The following PRNP variants were observed in gnomAD, a reference collection of about 807,000 sequenced individuals.
The protein encoded by PRNP is major prion protein.
Under a neutral mutation model 21.3 loss-of-function variants are expected in PRNP, and 15 were observed. The ratio of observed to expected loss-of-function variants is 0.71; its 90% CI spans 0.47 to 1.09. The LOEUF is 1.09. Ranked by LOEUF, PRNP falls within the 50% of genes least tolerant of loss-of-function variation. PRNP has a pLI of 0.00. For synonymous variants in PRNP, 121 were observed against 123.1 expected, an observed-to-expected ratio of 0.98 and a Z score of 0.11; for missense variants, 285 against 340.9, an observed-to-expected ratio of 0.84 and a Z score of 1.29.
rs770271370 is a variant in PRNP, at chr20:4,699,359, A to G, written c.139A>G (p.Asn47Asp). The G allele has an allele frequency of 6.2e-7, 1 of 1,613,608 alleles. No homozygotes were observed. The highest frequency in any genetic ancestry group is 8.5e-7 in the Non-Finnish European group (1 of 1,179,858). The change falls in exon 2 of 2, where the codon AAC becomes GAC. Residue 47 changes from asparagine (N) to aspartate (D), a missense_variant. Coordinates refer to ENST00000379440, the MANE Select transcript of PRNP (RefSeq NM_000311.5). The surrounding 1 kb of genome is among the most constrained non-coding windows in gnomAD (Gnocchi z 5.8). ...CCCGGGGCAGGGCAGCCCTGGAGGC[A>G]ACCGCTACCCACCTCAGGGCGGTGG... Reference protein sequence around the residue: ...RYPGQGSPGGNRYPPQGGGGW... With the variant: ...RYPGQGSPGGDRYPPQGGGGW...
At chr20:4,691,820 A>G (rs1253030661) in intron 1 of PRNP, among the ~76,000 whole-genome samples, 1 of 152,174 alleles carries the variant, frequency 6.6e-6, no homozygotes, top group African/African-American at 2.4e-5. Flanking sequence ...TAGAAAAAAA[A>G]CTTGATACGA....
At chr20:4,688,377 A>G (rs147185362) in intron 1 of PRNP, among the ~76,000 whole-genome samples, 2 of 152,250 alleles carry the variant, frequency 1.3e-5, no homozygotes, top group Admixed American at 1.3e-4. Flanking sequence ...CCTTTTGTCC[A>G]TTCATAGAAT....
In PRNP at chr20:4,699,473, C is replaced by T. The variant is rs144328292; in HGVS notation, c.253C>T (p.His85Tyr). 1.3e-6 allele frequency: 2 copies of T among 1,595,544 alleles called. No individual in the cohort carries two copies. Among genetic ancestry groups the T allele is most frequent in the Admixed American group, 1.7e-5 (1 of 58,852 alleles). The change falls in exon 2 of 2, where the codon CAT becomes TAT. Residue 85 changes from histidine (H) to tyrosine (Y), a missense_variant. Physicochemically the swap from His to Tyr is moderately conservative, Grantham distance 83. Coordinates refer to ENST00000379440, the MANE Select transcript of PRNP (RefSeq NM_000311.5). This position sits in a 1 kb window ranked among gnomAD's most constrained non-coding sequence, Gnocchi z 5.8. ...CCATGGTGGTGGCTGGGGACAGCCT[C>T]ATGGTGGTGGCTGGGGTCAAGGAGG... is the stretch of plus-strand genomic sequence containing the variant. ...QPHGGGWGQP[H>Y]GGGWGQGGGT...
chr20:4,700,218 A>G lies in PRNP; in HGVS notation c.*236A>G. The G allele has an allele frequency of 7.4e-7, 1 of 1,353,500 alleles. No homozygotes were observed. The highest frequency in any genetic ancestry group is 1.3e-5 in the South Asian group (1 of 79,466). 83.8% of individuals were successfully genotyped at this position (1,353,500 alleles called of 1,614,324 possible). ...GAGCCGTTGCTAATGCCAGGCCAGTAAAAGTATAACAGCAAATAACCATTG... is the reference window on the plus strand; with the variant it reads ...GAGCCGTTGCTAATGCCAGGCCAGTGAAAGTATAACAGCAAATAACCATTG... On this transcript the variant is annotated 3_prime_UTR_variant, in exon 2 of 2. Coordinates refer to ENST00000379440, the MANE Select transcript of PRNP (RefSeq NM_000311.5). The surrounding 1 kb of genome is among the most constrained non-coding windows in gnomAD (Gnocchi z 4.1).
chr20:4,699,335 C>G lies in PRNP; in HGVS notation c.115C>G (p.Pro39Ala). The G allele has an allele frequency of 6.2e-7, 1 of 1,613,762 alleles. No individual in the cohort carries two copies. Among genetic ancestry groups the G allele is most frequent in the South Asian group, 1.1e-5 (1 of 91,042 alleles). The change falls in exon 2 of 2, where the codon CCG becomes GCG. Residue 39 changes from proline to alanine, a missense_variant. Transcript: ENST00000379440. The surrounding 1 kb of genome is among the most constrained non-coding windows in gnomAD (Gnocchi z 5.8). ...GGWNTGGSRY[P>A]GQGSPGGNRY... is the part of the protein sequence containing the mutation. ...ATGGAACACTGGGGGCAGCCGATAC[C>G]CGGGGCAGGGCAGCCCTGGAGGCAA...
chr20:4,687,117 G>A (rs2122191370), intron 1 of PRNP, among the ~76,000 whole-genome samples: 1 of 152,292 alleles, frequency 6.6e-6, no homozygotes, highest in Non-Finnish European at 1.5e-5. Context: ...CGCCGCAGCT[G>A]CAGCGTTCCT....
chr20:4,693,345 A>G (rs551469469), intron 1 of PRNP, among the ~76,000 whole-genome samples: 18 of 152,238 alleles, frequency 1.2e-4, no homozygotes, highest in African/African-American at 4.3e-4. Context: ...TTAAGAAAAA[A>G]TGTTTTGTAG....
chr20:4,692,852 G>T (rs1253730617), intron 1 of PRNP, among the ~76,000 whole-genome samples: 1 of 152,082 alleles, frequency 6.6e-6, no homozygotes, highest in East Asian at 1.9e-4. Context: ...GCCATGGCAG[G>T]GTGGCTAAGT....
At position 4,686,534 on chromosome 20, in the gene PRNP, A is replaced by C. The variant is rs900369888; in HGVS notation, c.-11+22A>C. ...GCAGGTAAACGCCCGGGGTGGGAGG[A>C]ACGCGGGCGGGGGCAGGGGAGCCGC... On this transcript the variant is annotated intron_variant, in intron 1 of 1. Coordinates refer to ENST00000379440, the MANE Select transcript of PRNP (RefSeq NM_000311.5). The surrounding 1 kb of genome is among the most constrained non-coding windows in gnomAD (Gnocchi z 6.7). 1 of 151,618 alleles carries C rather than the reference A, an allele frequency of 6.6e-6. No individual in the cohort carries two copies. Among genetic ancestry groups the C allele is most frequent in the Non-Finnish European group, 1.5e-5 (1 of 67,854 alleles). 9.4% of individuals were successfully genotyped at this position (151,618 alleles called of 1,614,324 possible). A position where few individuals can be genotyped will look rare whatever the true frequency, so the allele number is the denominator to read the frequency against.
At position 4,700,795 on chromosome 20, in the gene PRNP, G is replaced by A. The variant is rs1043773814; in HGVS notation, c.*813G>A. 22 of 167,626 alleles carry A rather than the reference G, an allele frequency of 1.3e-4. No homozygotes were observed. The highest frequency in any genetic ancestry group is 5.3e-4 in the African/African-American group (22 of 41,554). 10.4% of individuals were successfully genotyped at this position (167,626 alleles called of 1,614,324 possible). On this transcript the variant is annotated 3_prime_UTR_variant, in exon 2 of 2. Transcript: ENST00000379440. The surrounding 1 kb of genome is among the most constrained non-coding windows in gnomAD (Gnocchi z 4.1). ...TGGCATTCCTTTCTTTAAACTATAG[G>A]TAATTAAGGCAGCTGAAAAGTAAAT...
At chr20:4,695,138 AT>A (rs887634351) in intron 1 of PRNP, among the ~76,000 whole-genome samples, 18 of 148,498 alleles carry the variant, frequency 1.2e-4, no homozygotes, top group Non-Finnish European at 1.8e-4. Context: ...TTACATTTTA[AT>A]TTTTTTTTTT....
rs1302483301 is a variant in PRNP at position 4,700,360 on chromosome 20, G to C, written c.*378G>C. On this transcript the variant is annotated 3_prime_UTR_variant, in exon 2 of 2. Coordinates refer to ENST00000379440, the MANE Select transcript of PRNP (RefSeq NM_000311.5). The surrounding 1 kb of genome is among the most constrained non-coding windows in gnomAD (Gnocchi z 4.1). Reference sequence around the variant, plus strand: ...TGGCTCCTTCAGCAGCTAGAGCTCAGTATACTAATGCCCTATCTTAGTAGA... The same window carrying C: ...TGGCTCCTTCAGCAGCTAGAGCTCACTATACTAATGCCCTATCTTAGTAGA... 4 of 401,234 alleles carry C rather than the reference G, an allele frequency of 1.0e-5. No individual in the cohort carries two copies. Among genetic ancestry groups the C allele is most frequent in the Non-Finnish European group, 1.5e-5 (3 of 201,530 alleles). The allele number at this position is 401,234 out of a possible 1,614,324, so 24.9% of individuals were successfully genotyped here.
Position 4,700,664 on chromosome 20 carries a change from A to G in PRNP, c.*682A>G, listed in dbSNP as rs7274758. On this transcript the variant is annotated 3_prime_UTR_variant, in exon 2 of 2. Coordinates refer to ENST00000379440, the MANE Select transcript of PRNP (RefSeq NM_000311.5). This position sits in a 1 kb window ranked among gnomAD's most constrained non-coding sequence, Gnocchi z 4.1. ...GCTAGAGGACATATTCACAGTGAAC[A>G]TAACTGTAACATATATGAAAGGCTT... 6,980 of 178,038 alleles carry G rather than the reference A, an allele frequency of 0.039. 221 individuals are homozygous for G. The highest frequency in any genetic ancestry group is 0.089 in the African/African-American group (3,720 of 41,634). 11.0% of individuals were successfully genotyped at this position (178,038 alleles called of 1,614,324 possible).
rs1244528020 is a variant in PRNP at position 4,686,936 on chromosome 20, T to TG, written c.-11+429dup. On this transcript the variant is annotated intron_variant, in intron 1 of 1. Transcript: ENST00000379440. This position sits in a 1 kb window ranked among gnomAD's most constrained non-coding sequence, Gnocchi z 6.7. ...AGGGCGCGGGGCGGGGAGGGGCGCC[T>TG]GGGGGCCGCGGGGCTCGCGCTCCCC... is the stretch of plus-strand genomic sequence containing the variant. Among the ~76,000 whole-genome samples the TG allele has an allele frequency of 6.7e-6, 1 of 149,454 alleles. No individual in the cohort carries two copies. The highest frequency in any genetic ancestry group is 1.5e-5 in the Non-Finnish European group (1 of 67,144).
chr20:4,688,486 TA>T (rs1291851206), intron 1 of PRNP, among the ~76,000 whole-genome samples: 1 of 152,172 alleles, frequency 6.6e-6, no homozygotes, highest in African/African-American at 2.4e-5. Context: ...GGTGATGCAT[TA>T]AGAAGCTGGA....
At chr20:4,691,218 T>A (rs1921807614) in intron 1 of PRNP, among the ~76,000 whole-genome samples, 1 of 152,162 alleles carries the variant, frequency 6.6e-6, no homozygotes, top group Non-Finnish European at 1.5e-5. Context: ...TGTTAAAATG[T>A]CCATACTACC....
intron 1 of PRNP, among the ~76,000 whole-genome samples, chr20:4,687,606 G>T (rs991254156): frequency 6.6e-6 from 1 of 151,764 alleles, no homozygotes; most frequent in African/African-American, 2.4e-5. Context: ...TTTTAACCTC[G>T]CAATTCCACC....
intron 1 of PRNP, among the ~76,000 whole-genome samples, chr20:4,687,641 G>T (rs1168010636): frequency 6.6e-6 from 1 of 151,888 alleles, no homozygotes. Flanking sequence ...CCTCGCCATC[G>T]CAGAGCCACA....
Position 4,699,565 on chromosome 20 carries a change from T to A in PRNP, c.345T>A (p.Ala115=), listed in dbSNP as rs759194313. 4 of 1,613,840 alleles carry A rather than the reference T, an allele frequency of 2.5e-6. No individual in the cohort carries two copies. Among genetic ancestry groups the A allele is most frequent in the Admixed American group, 1.7e-5 (1 of 60,002 alleles). Residue 115 remains alanine (A), a synonymous_variant, in exon 2 of 2, where the codon GCT becomes GCA. Transcript: ENST00000379440. This position sits in a 1 kb window ranked among gnomAD's most constrained non-coding sequence, Gnocchi z 5.8. ...CCAACATGAAGCACATGGCTGGTGC[T>A]GCAGCAGCTGGGGCAGTGGTGGGGG... is the stretch of plus-strand genomic sequence containing the variant. ...PKTNMKHMAG[A]AAAGAVVGGL... is the part of the protein sequence containing the mutation.
Sources: gnomAD v4.1 joint callset for allele counts (sites outside exome capture counted in the v4.1 genomes callset) on GRCh38, gnomAD v4.1.1 for gene constraint, Gnocchi (gnomAD v3.1) non-coding constraint, MANE v1.5 for transcripts, NCBI Gene and HGNC (gene_info 2026-07-23, HGNC 2026-07-21) for gene names.